The following BPNT2 variants were observed in gnomAD, a reference collection of about 807,000 sequenced individuals.
BPNT2 encodes the protein 3'(2'), 5'-bisphosphate nucleotidase 2.
A neutral mutation model predicts 29.3 loss-of-function variants in BPNT2; 11 were observed. The ratio of observed to expected loss-of-function variants is 0.38; its 90% CI spans 0.24 to 0.62. The LOEUF (loss-of-function observed/expected upper bound fraction) is 0.62. Ranked by LOEUF, BPNT2 falls within the 20% of genes least tolerant of loss-of-function variation. BPNT2 has a pLI of 0.62. For synonymous variants in BPNT2, 195 were observed against 187.7 expected, an observed-to-expected ratio of 1.04 and a Z score of -0.32; for missense variants, 459 against 473.4, an observed-to-expected ratio of 0.97 and a Z score of 0.28.
chr8:56,993,773 C>T lies in BPNT2; in HGVS notation c.-188G>A. The T allele has an allele frequency of 1.4e-6, 1 of 730,836 alleles. No homozygotes were observed. Among genetic ancestry groups the T allele is most frequent in the Non-Finnish European group, 1.7e-6 (1 of 594,472 alleles). 45.3% of individuals were successfully genotyped at this position (730,836 alleles called of 1,614,324 possible). On this transcript the variant is annotated 5_prime_UTR_variant, in exon 1 of 5. Transcript: ENST00000262644. ...CGAGTTGCGCCGCGAAGACCACCAACGCCGCCCCGCGCGCCTGACTCGCCA... is the reference window on the plus strand; with the variant it reads ...CGAGTTGCGCCGCGAAGACCACCAATGCCGCCCCGCGCGCCTGACTCGCCA...
rs1563403955 is a variant in BPNT2, at chr8:56,963,855, T to G, written c.1018A>C (p.Arg340=). The change falls in exon 5 of 5, where the codon AGA becomes CGA. Residue 340 remains arginine, a synonymous_variant. Coordinates refer to ENST00000262644, the MANE Select transcript of BPNT2 (RefSeq NM_017813.5). The part of the protein sequence containing the change: ...GIEGGLLASI[R]MNHQALVRKL... ...CTGACCAGGGCCTGGTGGTTCATTC[T>G]GATGCTAGCAAGGAGTCCCCCTTCA... 1 of 1,614,082 alleles carries G rather than the reference T, an allele frequency of 6.2e-7. No individual in the cohort carries two copies. The highest frequency in any genetic ancestry group is 1.3e-5 in the African/African-American group (1 of 74,940).
At position 56,993,375 on chromosome 8, in the gene BPNT2, C is replaced by T. The variant is rs745537127; in HGVS notation, c.211G>A (p.Val71Met). ...TCGCCGCCGCGGACTGCGGCCAGCA[C>T]TGACACAGCCAGCATCTCGCGCAAG... ...VDLREMLAVS[V>M]LAAVRGGDEV... Residue 71 changes from valine (V) to methionine (M), a missense_variant, in exon 1 of 5, where the codon GTG becomes ATG. Coordinates refer to ENST00000262644, the MANE Select transcript of BPNT2 (RefSeq NM_017813.5). The T allele has an allele frequency of 4.3e-6, 7 of 1,609,460 alleles. No individual in the cohort carries two copies. In the Admixed American group the frequency reaches 1.2e-4, roughly 27 times the overall value.
intron 3 of BPNT2, among the ~76,000 whole-genome samples, chr8:56,977,692 G>GTT (rs1251654955): frequency 2.0e-5 from 3 of 152,114 alleles, no homozygotes; most frequent in African/African-American, 7.2e-5. Context: ...TGGTGTGCTT[G>GTT]TAAGAGGAGA....
chr8:56,978,145 T>C lies in BPNT2; in HGVS notation c.551A>G (p.Glu184Gly). Residue 184 changes from glutamate (E) to glycine (G), a missense_variant and splice_region_variant, in exon 3 of 5, where the codon GAG becomes GGG. Coordinates refer to ENST00000262644, the MANE Select transcript of BPNT2 (RefSeq NM_017813.5). ...AGTAGTGACGTACTTTCGAAGATCC[T>C]CTATGAGAAAAAAAACAAAACAACA... ...DPLDATQEYT[E>G]DLRKYVTTMV... The C allele has an allele frequency of 1.3e-6, 2 of 1,594,254 alleles. No homozygotes were observed. Among genetic ancestry groups the C allele is most frequent in the Non-Finnish European group, 1.7e-6 (2 of 1,162,998 alleles).
Position 56,993,306 on chromosome 8 carries a change from A to C in BPNT2, c.280T>G (p.Ser94Ala). 1 of 1,611,988 alleles carries C rather than the reference A, an allele frequency of 6.2e-7. No homozygotes were observed. Among genetic ancestry groups the C allele is most frequent in the Non-Finnish European group, 8.5e-7 (1 of 1,179,854 alleles). The change falls in exon 1 of 5, where the codon TCC becomes GCC. Residue 94 changes from serine to alanine, a missense_variant. By Grantham distance (99) the Ser-to-Ala change is moderately conservative (BLOSUM62 1). Coordinates refer to ENST00000262644, the MANE Select transcript of BPNT2 (RefSeq NM_017813.5). ...VRESNVLHEKSKGKTREGAED... is the reference protein window; with the variant it reads ...VRESNVLHEKAKGKTREGAED... ...GCTCCCTCGCGCGTCTTCCCCTTGGACTTCTCGTGGAGGACGTTGCTCTCG... is the reference window on the plus strand; with the variant it reads ...GCTCCCTCGCGCGTCTTCCCCTTGGCCTTCTCGTGGAGGACGTTGCTCTCG...
intron 1 of BPNT2, 38 bp from the exon 2 acceptor site, chr8:56,980,235 C>A (rs201715654): frequency 2.0e-6 from 3 of 1,515,848 alleles, no homozygotes; most frequent in East Asian, 4.5e-5. Flanking sequence ...AAAAGTAAGA[C>A]GAACAATCAC....
chr8:56,993,722 C>A lies in BPNT2; in HGVS notation c.-137G>T. The stretch of plus-strand genomic sequence containing the variant: ...GCGCCCGCTCCCCGGCCCCGGTGCG[C>A]CCCATCACTCCCTCCCAGGAAAGGC... On this transcript the variant is annotated 5_prime_UTR_variant, in exon 1 of 5. Transcript: ENST00000262644. 1.0e-6 allele frequency: 1 copy of A among 977,218 alleles called. No homozygotes were observed. The highest frequency in any genetic ancestry group is 4.6e-5 in the South Asian group (1 of 21,808). 60.5% of individuals were successfully genotyped at this position (977,218 alleles called of 1,614,324 possible).
At position 56,987,885 on chromosome 8, in the gene BPNT2, C is replaced by T. The variant is rs149646573; in HGVS notation, c.387+5314G>A. Among the ~76,000 whole-genome samples, 1,151 of 152,030 alleles carry T rather than the reference C, an allele frequency of 7.6e-3. 11 individuals are homozygous for T. Among genetic ancestry groups the T allele is most frequent in the African/African-American group, 0.023 (950 of 41,462 alleles). On this transcript the variant is annotated intron_variant, in intron 1 of 4. Transcript: ENST00000262644. ...GTGGGACTACAGACACCCGCCACCA[C>T]GCCCAGCTAATTTTTTGTATTTTCA...
intron 1 of BPNT2, among the ~76,000 whole-genome samples, chr8:56,992,710 G>A (rs1194532367): frequency 2.9e-5 from 1 of 34,710 alleles, no homozygotes; most frequent in East Asian, 7.3e-4. Context: ...CGACTCCCGC[G>A]AGCGCACACA....
rs1398029634 is a variant in BPNT2 at position 56,960,893 on chromosome 8, C to G, written c.*2900G>C. 2 of 152,112 alleles carry G rather than the reference C, an allele frequency of 1.3e-5. No individual in the cohort carries two copies. Among genetic ancestry groups the G allele is most frequent in the Admixed American group, 6.5e-5 (1 of 15,274 alleles). The allele number at this position is 152,112 out of a possible 1,614,324, so 9.4% of individuals were successfully genotyped here. On this transcript the variant is annotated 3_prime_UTR_variant, in exon 5 of 5. Coordinates refer to ENST00000262644, the MANE Select transcript of BPNT2 (RefSeq NM_017813.5). The stretch of plus-strand genomic sequence containing the variant: ...CCTCCTCCAGGATTGATCTCTGATA[C>G]TAGGAACTTTACCAGAGCTTCAGAT...
rs574127712 is a variant in BPNT2, at chr8:56,962,741, G to C, written c.*1052C>G. 1 of 151,940 alleles carries C rather than the reference G, an allele frequency of 6.6e-6. No homozygotes were observed. Among genetic ancestry groups the C allele is most frequent in the Admixed American group, 6.6e-5 (1 of 15,250 alleles). The allele number at this position is 151,940 out of a possible 1,614,324, so 9.4% of individuals were successfully genotyped here. On this transcript the variant is annotated 3_prime_UTR_variant, in exon 5 of 5. Transcript: ENST00000262644. ...CTAGATACATTTATTAATAGTAAAA[G>C]CAACCATGGCAAAAGCAACCATACT...
chr8:56,982,874 T>C (rs2129205920), intron 1 of BPNT2, among the ~76,000 whole-genome samples: 1 of 152,308 alleles, frequency 6.6e-6, no homozygotes, highest in East Asian at 1.9e-4. Context: ...GATAAATATA[T>C]TTGGTATATC....
rs1805884613 is a variant in BPNT2, at chr8:56,963,720, A to G, written c.*73T>C. ...CCTTAACCATGCATAGTCTCCACCA[A>G]TCCTTTGAAGCTTCCAGCATCTCAG... On this transcript the variant is annotated 3_prime_UTR_variant, in exon 5 of 5. Transcript: ENST00000262644. 51 of 1,561,690 alleles carry G rather than the reference A, an allele frequency of 3.3e-5. No homozygotes were observed. The highest frequency in any genetic ancestry group is 4.2e-5 in the Non-Finnish European group (48 of 1,134,904).
chr8:56,979,949 A>G, intron 2 of BPNT2, 86 bp downstream of exon 2: 1 of 1,249,648 alleles, frequency 8.0e-7, no homozygotes. Context: ...TCAGTGAGCC[A>G]CTATCACCTA....
At position 56,993,408 on chromosome 8, in the gene BPNT2, TGCCCCCATCGGCCGCGGCCGCG is replaced by T. The variant is rs751549696; in HGVS notation, c.156_177del (p.Ala53ProfsTer22). On this transcript the variant is annotated frameshift_variant, in exon 1 of 5. Transcript: ENST00000262644. LOFTEE classifies it high-confidence loss of function. ...GCCAGCATCTCGCGCAAGTCCACGGTGCCCCCATCGGCCGCGGCCGCGGGCCCCGCCGCGCCGCCGCCAGGCT... is the reference window on the plus strand; with the variant it reads ...GCCAGCATCTCGCGCAAGTCCACGGTGGCCCCGCCGCGCCGCCGCCAGGCT... 6.3e-7 allele frequency: 1 copy of T among 1,586,730 alleles called. No homozygotes were observed.
chr8:56,978,190 T>C (rs776170139), intron 2 of BPNT2, 45 bp from the exon 3 acceptor site: 3 of 1,173,014 alleles, frequency 2.6e-6, no homozygotes, highest in South Asian at 1.2e-5. Flanking sequence ...GTCAAAGTAA[T>C]GTGCATAAAT....
chr8:56,960,738 T>C lies in BPNT2; in HGVS notation c.*3055A>G, dbSNP rs1342689573. ...GTATTTTTTTTTACATTTACATTCT[T>C]GAACAATGGGTAGAAAGAAATACTT... On this transcript the variant is annotated 3_prime_UTR_variant, in exon 5 of 5. Transcript: ENST00000262644. 2 of 152,170 alleles carry C rather than the reference T, an allele frequency of 1.3e-5. No homozygotes were observed. The highest frequency in any genetic ancestry group is 1.9e-4 in the East Asian group (1 of 5,192). 9.4% of individuals were successfully genotyped at this position (152,170 alleles called of 1,614,324 possible). A position where few individuals can be genotyped will look rare whatever the true frequency, so the allele number is the denominator to read the frequency against.
At chr8:56,977,581 C>T (rs1003483329) in intron 3 of BPNT2, among the ~76,000 whole-genome samples, 7 of 152,128 alleles carry the variant, frequency 4.6e-5, no homozygotes, top group African/African-American at 1.7e-4. Context: ...TCACTCCCAG[C>T]ACCTTGAAAT....
intron 4 of BPNT2, 40 bp downstream of exon 4, chr8:56,966,151 A>C (rs1302173375): frequency 3.7e-6 from 6 of 1,607,134 alleles, no homozygotes; most frequent in Non-Finnish European, 4.3e-6. Context: ...TGACCATGCC[A>C]GGAACATTCT....
Sources: allele counts gnomAD v4.1 joint callset (sites outside exome capture counted in the v4.1 genomes callset), GRCh38; gene constraint gnomAD v4.1.1; transcripts MANE v1.5; gene names NCBI Gene and HGNC (gene_info 2026-07-23, HGNC 2026-07-21).